The following USP15 variants were observed in gnomAD, a reference collection of about 807,000 sequenced individuals.
USP15 encodes the protein ubiquitin specific peptidase 15, also known as ubiquitin carboxyl-terminal hydrolase 15.
A neutral mutation model predicts 127.1 loss-of-function variants in USP15; 18 were observed. That is an observed-to-expected ratio of 0.14 (90% CI 0.10 to 0.21). The LOEUF (loss-of-function observed/expected upper bound fraction) is 0.21, where lower values mean the gene tolerates loss of function less well. USP15 is among the 10% of genes least tolerant of loss of function. USP15 has a pLI of 1.00. For missense variants in USP15, 805 were observed against 1,159.9 expected, an observed-to-expected ratio of 0.69 and a Z score of 4.44; for synonymous variants, 364 against 393.7, an observed-to-expected ratio of 0.92 and a Z score of 0.89.
intron 8 of USP15, among the ~76,000 whole-genome samples, chr12:62,365,176 AG>A (rs1290758555): frequency 6.6e-6 from 1 of 152,188 alleles, no homozygotes; most frequent in Non-Finnish European, 1.5e-5. Flanking sequence ...TCCCACCAAC[AG>A]TGTAAAAGCA....
rs1397209605 is a variant in USP15 at position 62,392,304 on chromosome 12, ACCT to A, written c.2341_2343del (p.Pro781del). ...AAAAACATGAAAGTGTGGAGTATAAACCTCCTAAAAAACCCTTTGTGAAATTAA... is the reference window on the plus strand; with the variant it reads ...AAAAACATGAAAGTGTGGAGTATAAACCTAAAAAACCCTTTGTGAAATTAA... On this transcript the variant is annotated inframe_deletion, in exon 18 of 22. Transcript: ENST00000280377. 3 of 1,606,586 alleles carry A rather than the reference ACCT, an allele frequency of 1.9e-6. No homozygotes were observed. The highest frequency in any genetic ancestry group is 1.8e-4 in the Middle Eastern group (1 of 5,596).
intron 20 of USP15, among the ~76,000 whole-genome samples, chr12:62,400,880 G>A (rs2067665131): frequency 6.6e-6 from 1 of 151,836 alleles, no homozygotes; most frequent in Admixed American, 6.6e-5. Context: ...CACTATGCCT[G>A]GTACACAGTA....
intron 1 of USP15, among the ~76,000 whole-genome samples, chr12:62,261,489 GT>G (rs1278910430): frequency 6.6e-6 from 1 of 152,132 alleles, no homozygotes; most frequent in Non-Finnish European, 1.5e-5. Flanking sequence ...TTCATAGAGT[GT>G]TTCAGTATGG....
At chr12:62,324,251 A>G (rs1028466227) in intron 5 of USP15, among the ~76,000 whole-genome samples, 1 of 152,038 alleles carries the variant, frequency 6.6e-6, no homozygotes, top group Non-Finnish European at 1.5e-5. Flanking sequence ...GATGGTCTTC[A>G]GCATTAGTAT....
At position 62,381,515 on chromosome 12, in the gene USP15, CTGAG is replaced by C; in HGVS notation, c.943_946del (p.Glu315IlefsTer11). 1.2e-6 allele frequency: 2 copies of C among 1,610,958 alleles called. No individual in the cohort carries two copies. The highest frequency in any genetic ancestry group is 1.7e-6 in the Non-Finnish European group (2 of 1,178,160). On this transcript the variant is annotated frameshift_variant, in exon 9 of 22. Coordinates refer to ENST00000280377, the MANE Select transcript of USP15 (RefSeq NM_001252078.2). LOFTEE classifies it high-confidence loss of function. ...TGTTTGAGCAACACACCTCCACTTA[CTGAG>C]TATTTCCTCAATGATAAGTATCAAG...
At chr12:62,397,629 C>T (rs1215569457) in intron 20 of USP15, among the ~76,000 whole-genome samples, 2 of 151,322 alleles carry the variant, frequency 1.3e-5, no homozygotes, top group African/African-American at 2.4e-5. Flanking sequence ...GAAGTGGAGG[C>T]GGGTGAATCA....
At chr12:62,319,359 A>C (rs2137271782) in intron 4 of USP15, among the ~76,000 whole-genome samples, 1 of 152,332 alleles carries the variant, frequency 6.6e-6, no homozygotes, top group African/African-American at 2.4e-5. Context: ...GGGTGGGGAC[A>C]CAGAGCCAAA....
At chr12:62,319,701 A>G (rs536028380) in intron 4 of USP15, among the ~76,000 whole-genome samples, 1 of 152,144 alleles carries the variant, frequency 6.6e-6, no homozygotes, top group Non-Finnish European at 1.5e-5. Context: ...ACAAAACTCA[A>G]TGAAGAGGAA....
chr12:62,263,339 A>G (rs1484837588), intron 1 of USP15, among the ~76,000 whole-genome samples: 2 of 152,224 alleles, frequency 1.3e-5, no homozygotes, highest in Non-Finnish European at 2.9e-5. Context: ...TTTAATACAC[A>G]TGTCTGAAGT....
Position 62,401,208 on chromosome 12 carries a change from A to C in USP15, c.2696A>C (p.Lys899Thr). Residue 899 changes from lysine (K) to threonine (T), a missense_variant, in exon 21 of 22, where the codon AAA (lysine) becomes ACA (threonine). By Grantham distance (78) the Lys-to-Thr change is moderately conservative. This residue lies in a region of USP15 where 116 missense variants were observed against 157.2 expected (regional missense o/e 0.74). Coordinates refer to ENST00000280377, the MANE Select transcript of USP15 (RefSeq NM_001252078.2). ...GGHYTAFAKN[K>T]DDGKWYYFDD... ...TTAGATACTGCTTTTGCAAAAAATA[A>C]AGATGATGGAAAATGGTACTATTTT... is the stretch of plus-strand genomic sequence containing the variant. 6.2e-7 allele frequency: 1 copy of C among 1,611,406 alleles called. No homozygotes were observed. The highest frequency in any genetic ancestry group is 8.5e-7 in the Non-Finnish European group (1 of 1,178,634).
intron 4 of USP15, among the ~76,000 whole-genome samples, chr12:62,320,499 A>G (rs893598731): frequency 6.6e-6 from 1 of 152,058 alleles, no homozygotes; most frequent in Non-Finnish European, 1.5e-5. Flanking sequence ...ACAGACTAAT[A>G]CAAGTACTAA....
At chr12:62,316,523 T>C (rs2064834243) in intron 4 of USP15, among the ~76,000 whole-genome samples, 1 of 152,054 alleles carries the variant, frequency 6.6e-6, no homozygotes, top group Non-Finnish European at 1.5e-5. Context: ...AGTCTATAAA[T>C]TTAATAAGGG....
chr12:62,273,539 G>T (rs534590220), intron 1 of USP15, among the ~76,000 whole-genome samples: 1 of 152,154 alleles, frequency 6.6e-6, no homozygotes, highest in South Asian at 2.1e-4. Context: ...GTTTGGTGTG[G>T]TGCTTTTTCT....
intron 1 of USP15, among the ~76,000 whole-genome samples, chr12:62,268,763 T>G (rs1002650986): frequency 2.0e-5 from 3 of 152,124 alleles, no homozygotes; most frequent in African/African-American, 7.2e-5. Context: ...TGTGATGCTA[T>G]TCACATACCT....
chr12:62,299,118 G>GT (rs1302288622), intron 2 of USP15, among the ~76,000 whole-genome samples: 7 of 151,882 alleles, frequency 4.6e-5, no homozygotes, highest in Non-Finnish European at 8.8e-5. Flanking sequence ...CAATATGTGT[G>GT]TTTTTTTGTT....
chr12:62,346,110 TAGTTCATGC>T (rs2065809504), intron 6 of USP15, among the ~76,000 whole-genome samples: 1 of 152,224 alleles, frequency 6.6e-6, no homozygotes. Flanking sequence ...GTTCCACTTG[TAGTTCATGC>T]AGTTCAAATA....
At chr12:62,339,223 T>A (rs1356276387) in intron 6 of USP15, among the ~76,000 whole-genome samples, 2 of 152,154 alleles carry the variant, frequency 1.3e-5, no homozygotes, top group Non-Finnish European at 2.9e-5. Flanking sequence ...ATGCTTGTGA[T>A]TTTTGCACGT....
intron 3 of USP15, among the ~76,000 whole-genome samples, chr12:62,312,697 G>C (rs1366405989): frequency 6.6e-6 from 1 of 151,260 alleles, no homozygotes; most frequent in Non-Finnish European, 1.5e-5. Context: ...TCCCCCTTCC[G>C]ATCTTATTTC....
intron 6 of USP15, among the ~76,000 whole-genome samples, chr12:62,347,292 A>AGT (rs1329368305): frequency 1.3e-5 from 2 of 151,424 alleles, no homozygotes; most frequent in African/African-American, 2.4e-5. Flanking sequence ...AAAAGAAAAA[A>AGT]GTGTGTGTGT....
Sources: gnomAD v4.1 joint callset for allele counts (sites outside exome capture counted in the v4.1 genomes callset) on GRCh38, gnomAD v4.1.1 for gene constraint, gnomAD v4.1.1 regional missense constraint, MANE v1.5 for transcripts, NCBI Gene and HGNC (gene_info 2026-07-23, HGNC 2026-07-21) for gene names.